Variants in RALYL observed in about 807,000 individuals in gnomAD.
The protein encoded by RALYL is RNA-binding Raly-like protein.
In RALYL, 29 loss-of-function variants were observed where a neutral mutation model predicts 35.1. That is an observed-to-expected ratio of 0.83 (90% CI 0.61 to 1.13). RALYL has a LOEUF of 1.13. Ranked by LOEUF, RALYL falls within the 50% of genes most tolerant of loss-of-function variation. The pLI, the probability that RALYL is intolerant of heterozygous loss-of-function variation, is 0.00. For missense variants in RALYL, 359 were observed against 360.4 expected, an observed-to-expected ratio of 1.00 and a Z score of 0.03; for synonymous variants, 120 against 127.6, an observed-to-expected ratio of 0.94 and a Z score of 0.40.
chr8:84,786,651 C>T (rs1363066716), intron 3 of RALYL, among the ~76,000 whole-genome samples: 1 of 152,068 alleles, frequency 6.6e-6, no homozygotes, highest in African/African-American at 2.4e-5. Flanking sequence ...CTGTTCATGT[C>T]CTTTACCTAC....
At chr8:84,723,296 A>G (rs953539909) in intron 2 of RALYL, among the ~76,000 whole-genome samples, 1 of 152,058 alleles carries the variant, frequency 6.6e-6, no homozygotes, top group Non-Finnish European at 1.5e-5. Context: ...ACATTGTGTC[A>G]TGGCATCTTT....
intron 1 of RALYL, among the ~76,000 whole-genome samples, chr8:84,240,864 T>G (rs1827694961): frequency 6.6e-6 from 1 of 152,094 alleles, no homozygotes; most frequent in Admixed American, 6.6e-5. Context: ...ATCAAAGCAA[T>G]AGATACACAT....
At chr8:84,475,847 C>A (rs542065036) in intron 1 of RALYL, among the ~76,000 whole-genome samples, 4 of 152,198 alleles carry the variant, frequency 2.6e-5, no homozygotes, top group African/African-American at 9.6e-5. Context: ...CTGGCATAGT[C>A]TAGGTTGAAT....
chr8:84,716,297 A>G (rs1395195346), intron 2 of RALYL, among the ~76,000 whole-genome samples: 1 of 152,180 alleles, frequency 6.6e-6, no homozygotes, highest in Admixed American at 6.6e-5. Flanking sequence ...TTTTAAGACA[A>G]CTATAAATGC....
At chr8:84,535,940 T>G (rs1294642624) in intron 2 of RALYL, among the ~76,000 whole-genome samples, 4 of 152,162 alleles carry the variant, frequency 2.6e-5, no homozygotes, top group African/African-American at 9.7e-5. Flanking sequence ...ATTTTCAGAA[T>G]TGTTCTAATG....
rs1563712415 is a variant in RALYL, at chr8:84,311,086, A to AT, written c.-24+126662_-24+126663insT. On this transcript the variant is annotated intron_variant, in intron 1 of 8. Coordinates refer to ENST00000521268, the MANE Select transcript of RALYL (RefSeq NM_173848.7). ...AAAAAAAAAAAAAAAAAAAAAAAAA[A>AT]AAAAATGTATATTAATGTATAGTAT... Among the ~76,000 whole-genome samples the AT allele has an allele frequency of 8.0e-4, 102 of 127,148 alleles. 3 individuals carry two copies. The highest frequency in any genetic ancestry group is 1.2e-3 in the Non-Finnish European group (70 of 60,624). 83.4% of individuals were successfully genotyped at this position (127,148 alleles called of 152,430 possible).
chr8:84,385,325 G>C (rs1178935820), intron 1 of RALYL, among the ~76,000 whole-genome samples: 1 of 151,700 alleles, frequency 6.6e-6, no homozygotes, highest in East Asian at 1.9e-4. Context: ...ATTAGTTTTA[G>C]AGCAACCCAA....
At chr8:84,873,569 T>C (rs971532503) in intron 7 of RALYL, among the ~76,000 whole-genome samples, 172 bp downstream of exon 7, 19 of 152,176 alleles carry the variant, frequency 1.2e-4, no homozygotes, top group Non-Finnish European at 4.4e-5. Flanking sequence ...ATTTTTTTTC[T>C]TTTAGAGAAC....
At chr8:84,727,653 T>TG (rs1244823699) in intron 2 of RALYL, among the ~76,000 whole-genome samples, 1 of 120,816 alleles carries the variant, frequency 8.3e-6, no homozygotes, top group Non-Finnish European at 1.6e-5. Flanking sequence ...CCCCAGAGTG[T>TG]GATGTTCCCC....
chr8:84,236,768 G>C (rs1411834535), intron 1 of RALYL, among the ~76,000 whole-genome samples: 1 of 152,062 alleles, frequency 6.6e-6, no homozygotes, highest in African/African-American at 2.4e-5. Context: ...AAAATGAAGT[G>C]ACACCTAATA....
At chr8:84,721,869 TC>T (rs2132649131) in intron 2 of RALYL, among the ~76,000 whole-genome samples, 1 of 152,284 alleles carries the variant, frequency 6.6e-6, no homozygotes, top group African/African-American at 2.4e-5. Flanking sequence ...ACTTTCTTAC[TC>T]TGTTCTTTCA....
rs142639924 is a variant in RALYL at position 84,325,068 on chromosome 8, A to G, written c.-24+140644A>G. Among the ~76,000 whole-genome samples, 644 of 152,238 alleles carry G rather than the reference A, an allele frequency of 4.2e-3. 18 individuals carry two copies. Among genetic ancestry groups the G allele is most frequent in the Admixed American group, 0.038 (579 of 15,282 alleles). On this transcript the variant is annotated intron_variant, in intron 1 of 8. Transcript: ENST00000521268. ...GGCATAAAGATTGTTGTACTAGTAGAAAAGAAGTTCCATTTCCCTTAAAGT... is the reference window on the plus strand; with the variant it reads ...GGCATAAAGATTGTTGTACTAGTAGGAAAGAAGTTCCATTTCCCTTAAAGT...
intron 5 of RALYL, among the ~76,000 whole-genome samples, chr8:84,856,882 G>C (rs977783711): frequency 6.6e-6 from 1 of 150,932 alleles, no homozygotes; most frequent in African/African-American, 2.4e-5. Flanking sequence ...CAAAAAATTA[G>C]CCGGGCGCGG....
chr8:84,299,602 T>C (rs1267792767), intron 1 of RALYL, among the ~76,000 whole-genome samples: 2 of 152,024 alleles, frequency 1.3e-5, no homozygotes, highest in African/African-American at 4.8e-5. Context: ...GGTCCAGGGC[T>C]TTCCCTGGTT....
intron 2 of RALYL, among the ~76,000 whole-genome samples, chr8:84,624,498 T>C (rs1013986215): frequency 6.6e-6 from 1 of 152,196 alleles, no homozygotes; most frequent in Non-Finnish European, 1.5e-5. Flanking sequence ...TCTGTGTGTT[T>C]CTGCTATGGT....
At chr8:84,457,453 T>C (rs2050262592) in intron 1 of RALYL, among the ~76,000 whole-genome samples, 2 of 151,970 alleles carry the variant, frequency 1.3e-5, no homozygotes, top group Admixed American at 1.3e-4. Context: ...TTACCAAATG[T>C]CTTTAGCAGT....
intron 2 of RALYL, among the ~76,000 whole-genome samples, chr8:84,753,663 T>G (rs1377615787): frequency 6.6e-6 from 1 of 152,122 alleles, no homozygotes; most frequent in Non-Finnish European, 1.5e-5. Context: ...TGGCACCTCT[T>G]CCCCACCCTT....
chr8:84,429,454 G>A (rs1040637098), intron 1 of RALYL, among the ~76,000 whole-genome samples: 1 of 151,610 alleles, frequency 6.6e-6, no homozygotes, highest in African/African-American at 2.4e-5. Flanking sequence ...TTTCAATGAG[G>A]GCTGAAACAA....
chr8:84,576,151 T>G (rs1405046785), intron 2 of RALYL, among the ~76,000 whole-genome samples: 3 of 152,198 alleles, frequency 2.0e-5, no homozygotes, highest in African/African-American at 7.2e-5. Context: ...TTCAAGCGTT[T>G]ACTTGCTTGT....
Sources: allele counts gnomAD v4.1 joint callset (sites outside exome capture counted in the v4.1 genomes callset), GRCh38; gene constraint gnomAD v4.1.1; transcripts MANE v1.5; gene names NCBI Gene and HGNC (gene_info 2026-07-23, HGNC 2026-07-21).